The following CACNG2 variants were observed in gnomAD, a reference collection of about 807,000 sequenced individuals.
The protein encoded by CACNG2 is voltage-dependent calcium channel gamma-2 subunit.
Under a neutral mutation model 25.9 loss-of-function variants are expected in CACNG2, and 3 were observed. The ratio of observed to expected loss-of-function variants is 0.12; its 90% confidence interval spans 0.05 to 0.30. The LOEUF is 0.30. Ranked by LOEUF, CACNG2 falls within the 10% of genes least tolerant of loss-of-function variation. The pLI, the probability that CACNG2 is intolerant of heterozygous loss-of-function variation, is 1.00. For missense variants in CACNG2, 341 were observed against 432.5 expected (o/e 0.79, Z 1.88); for synonymous variants, 167 against 173.3 (o/e 0.96, Z 0.29).
At chr22:36,594,219 C>G (rs764256815) in intron 1 of CACNG2, among the ~76,000 whole-genome samples, 2 of 152,198 alleles carry the variant, frequency 1.3e-5, no homozygotes, top group Admixed American at 1.3e-4. Flanking sequence ...GTGCCTGGCA[C>G]TGGGATGGTA....
chr22:36,589,393 C>T (rs932088253), intron 1 of CACNG2, among the ~76,000 whole-genome samples: 6 of 151,962 alleles, frequency 3.9e-5, no homozygotes, highest in Non-Finnish European at 5.9e-5. Context: ...ATAGTGAAAC[C>T]GTAATTACTT....
chr22:36,601,781 G>A (rs1327259755), intron 1 of CACNG2, among the ~76,000 whole-genome samples: 1 of 152,088 alleles, frequency 6.6e-6, no homozygotes, highest in Non-Finnish European at 1.5e-5. Context: ...CTGCGCCTGG[G>A]GAGTGTAGGT....
At chr22:36,601,912 G>T (rs1278702821) in intron 1 of CACNG2, among the ~76,000 whole-genome samples, 1 of 151,938 alleles carries the variant, frequency 6.6e-6, no homozygotes, top group African/African-American at 2.4e-5. Context: ...TTCCATAATG[G>T]TGGCATCAAC....
At chr22:36,628,396 T>C (rs902089518) in intron 1 of CACNG2, among the ~76,000 whole-genome samples, 3 of 152,262 alleles carry the variant, frequency 2.0e-5, no homozygotes, top group Non-Finnish European at 4.4e-5. Flanking sequence ...GTTTCTGAAA[T>C]ATTCTTTTCC....
chr22:36,582,908 C>T (rs1603500789), intron 2 of CACNG2, among the ~76,000 whole-genome samples: 1 of 152,124 alleles, frequency 6.6e-6, no homozygotes, highest in East Asian at 1.9e-4. Context: ...GGGCCCACTC[C>T]AGAAAGATCT....
At chr22:36,640,751 G>C (rs773919676) in intron 1 of CACNG2, among the ~76,000 whole-genome samples, 2 of 152,222 alleles carry the variant, frequency 1.3e-5, no homozygotes, top group Non-Finnish European at 2.9e-5. Context: ...GCCAGAGCCA[G>C]CTTCTGAAAA....
At chr22:36,574,651 G>A (rs529700008) in intron 2 of CACNG2, among the ~76,000 whole-genome samples, 18 of 152,216 alleles carry the variant, frequency 1.2e-4, no homozygotes, top group African/African-American at 2.6e-4. Flanking sequence ...GGGTGGTGGC[G>A]CATCCCTGTA....
chr22:36,571,231 C>A (rs1259734584), intron 2 of CACNG2, among the ~76,000 whole-genome samples: 1 of 150,834 alleles, frequency 6.6e-6, no homozygotes, highest in Non-Finnish European at 1.5e-5. Context: ...CTGAGGTGAG[C>A]GGATCACATG....
At chr22:36,574,369 G>T (rs1935280410) in intron 2 of CACNG2, among the ~76,000 whole-genome samples, 1 of 152,146 alleles carries the variant, frequency 6.6e-6, no homozygotes, top group Non-Finnish European at 1.5e-5. Flanking sequence ...TTGATGGATG[G>T]ATATGGGTAG....
At chr22:36,571,373 C>T (rs1935220755) in intron 2 of CACNG2, among the ~76,000 whole-genome samples, 1 of 152,070 alleles carries the variant, frequency 6.6e-6, no homozygotes, top group Non-Finnish European at 1.5e-5. Flanking sequence ...AGGAGAACCG[C>T]TTGAACCCGG....
chr22:36,595,756 G>A (rs1935669385), intron 1 of CACNG2, among the ~76,000 whole-genome samples: 1 of 152,178 alleles, frequency 6.6e-6, no homozygotes, highest in Admixed American at 6.5e-5. Context: ...ATTCAGCTAA[G>A]GGGCTCAACA....
intron 1 of CACNG2, among the ~76,000 whole-genome samples, chr22:36,696,213 G>C (rs554166183): frequency 6.6e-6 from 1 of 152,012 alleles, no homozygotes; most frequent in African/African-American, 2.4e-5. Flanking sequence ...TTGCACCCCC[G>C]GCGCTTTCTT....
intron 1 of CACNG2, among the ~76,000 whole-genome samples, chr22:36,635,607 C>T (rs892096522): frequency 6.6e-6 from 1 of 152,126 alleles, no homozygotes; most frequent in African/African-American, 2.4e-5. Flanking sequence ...TCAGTTACCA[C>T]CCTCATATCA....
chr22:36,676,359 G>A (rs1601450065), intron 1 of CACNG2, among the ~76,000 whole-genome samples: 1 of 152,312 alleles, frequency 6.6e-6, no homozygotes, highest in African/African-American at 2.4e-5. Context: ...TAGGAGAGTG[G>A]AACTTGCCAC....
At position 36,606,408 on chromosome 22, in the gene CACNG2, G is replaced by A. The variant is rs546127228; in HGVS notation, c.212-18860C>T. On this transcript the variant is annotated intron_variant, in intron 1 of 3. Coordinates refer to ENST00000300105, the MANE Select transcript of CACNG2 (RefSeq NM_006078.5). The surrounding 1 kb of genome is among the most constrained non-coding windows in gnomAD (Gnocchi z 5.7). ...TATGGAAGTGGAGGGACAGAGGGGTGAAGGAACGCCTCTAAAGATTCATTG... is the reference window on the plus strand; with the variant it reads ...TATGGAAGTGGAGGGACAGAGGGGTAAAGGAACGCCTCTAAAGATTCATTG... 6.6e-6 allele frequency among the ~76,000 whole-genome samples: 1 copy of A among 152,312 alleles called. No individual in the cohort carries two copies. The highest frequency in any genetic ancestry group is 6.5e-5 in the Admixed American group (1 of 15,306).
At chr22:36,631,346 A>C (rs1936267359) in intron 1 of CACNG2, among the ~76,000 whole-genome samples, 1 of 152,146 alleles carries the variant, frequency 6.6e-6, no homozygotes, top group African/African-American at 2.4e-5. Flanking sequence ...CCTGGGGTGC[A>C]TGTGACCCTT....
At chr22:36,686,714 G>A (rs73884138) in intron 1 of CACNG2, among the ~76,000 whole-genome samples, 4,907 of 152,294 alleles carry the variant, frequency 0.032, 263 homozygotes, top group African/African-American at 0.11. Flanking sequence ...CCTGGGACCC[G>A]GGCACAGGGG....
At chr22:36,666,794 G>T (rs1936880859) in intron 1 of CACNG2, among the ~76,000 whole-genome samples, 1 of 151,944 alleles carries the variant, frequency 6.6e-6, no homozygotes, top group South Asian at 2.1e-4. Context: ...TCCTAGCCTG[G>T]CATTCAAGGT....
chr22:36,561,408 T>C lies in CACNG2; in HGVS notation c.*2943A>G, dbSNP rs1410784817. 1 of 152,384 alleles carries C rather than the reference T, an allele frequency of 6.6e-6. No homozygotes were observed. Among genetic ancestry groups the C allele is most frequent in the Non-Finnish European group, 1.5e-5 (1 of 68,176 alleles). The allele number at this position is 152,384 out of a possible 1,614,324, so 9.4% of individuals were successfully genotyped here. A position where few individuals can be genotyped will look rare whatever the true frequency, so the allele number is the denominator to read the frequency against. On this transcript the variant is annotated 3_prime_UTR_variant, in exon 4 of 4. Coordinates refer to ENST00000300105, the MANE Select transcript of CACNG2 (RefSeq NM_006078.5). ...AGTTTCTGCCCAGACTGAGGGCAAC[T>C]TGGTTGTTGTTACCACACCTTGAAT...
Sources: allele counts gnomAD v4.1 joint callset (sites outside exome capture counted in the v4.1 genomes callset), GRCh38; gene constraint gnomAD v4.1.1; non-coding constraint Gnocchi (gnomAD v3.1); transcripts MANE v1.5; gene names NCBI Gene and HGNC (gene_info 2026-07-23, HGNC 2026-07-21).